Variants in PLEKHN1 observed in about 807,000 individuals in gnomAD.
PLEKHN1 encodes the protein pleckstrin homology domain containing N1.
A neutral mutation model predicts 72.8 loss-of-function variants in PLEKHN1; 68 were observed. The ratio of observed to expected loss-of-function variants is 0.93; its 90% CI spans 0.77 to 1.14. The LOEUF is 1.14. Ranked by LOEUF, PLEKHN1 falls within the 50% of genes most tolerant of loss-of-function variation. PLEKHN1 has a pLI of 0.00. For missense variants in PLEKHN1, 1,015 were observed against 840.5 expected, an observed-to-expected ratio of 1.21 and a Z score of -2.57; for synonymous variants, 454 against 371.6, an observed-to-expected ratio of 1.22 and a Z score of -2.55.
Position 974,335 on chromosome 1 carries a change from G to T in PLEKHN1, c.1673G>T (p.Gly558Val), listed in dbSNP as rs750700530. ...APQLVSSARE[G>V]SPEPWLPLTD... ...TTCCAGGTCTCCTCTGCCAGGGAAG[G>T]TTCGCCCGAACCCTGGCTGCCTCTG... The change falls in exon 15 of 16, where the codon GGT (glycine) becomes GTT (valine). Residue 558 changes from glycine (G) to valine (V), a missense_variant. Gly to Val is a moderately radical substitution (Grantham distance 109, BLOSUM62 -3). Transcript: ENST00000379410. 24 of 1,612,876 alleles carry T rather than the reference G, an allele frequency of 1.5e-5. No individual in the cohort carries two copies. In the African/African-American group the frequency reaches 2.3e-4, roughly 15 times the overall value.
rs143385575 is a variant in PLEKHN1, at chr1:969,378, T to TGC, written c.184-898_184-897insCG. On this transcript the variant is annotated intron_variant, in intron 2 of 15. Transcript: ENST00000379410. Reference sequence around the variant, plus strand: ...GTGTGCATGTGTTTGCACGTGTATATGTGTGCACACATCTGTGTGTATATG... The same window carrying TGC: ...GTGTGCATGTGTTTGCACGTGTATATGCGTGTGCACACATCTGTGTGTATATG... Among the ~76,000 whole-genome samples the TGC allele has an allele frequency of 9.6e-3, 32 of 3,340 alleles. No individual in the cohort carries two copies. In the African/African-American group the frequency reaches 0.11, roughly 11 times the overall value. 2.2% of individuals were successfully genotyped at this position (3,340 alleles called of 152,430 possible).
intron 2 of PLEKHN1, among the ~76,000 whole-genome samples, chr1:968,448 G>C (rs1643121043): frequency 6.6e-6 from 1 of 152,224 alleles, no homozygotes. Context: ...TGTGTGCCAG[G>C]ATTGACTACA....
In PLEKHN1 at chr1:972,397, T is replaced by G. The variant is rs1334275268; in HGVS notation, c.975T>G (p.Pro325=). 1 of 1,586,202 alleles carries G rather than the reference T, an allele frequency of 6.3e-7. No individual in the cohort carries two copies. Among genetic ancestry groups the G allele is most frequent in the East Asian group, 2.3e-5 (1 of 43,660 alleles). ...VTHREGAPPL[P]GAESFPGSQV... ...ACAGGGAGGGGGCCCCGCCGCTGCC[T>G]GGTGCCGAGAGCTTCCCAGGGTCGC... is the stretch of plus-strand genomic sequence containing the variant. Residue 325 remains proline, a synonymous_variant, in exon 10 of 16, where the codon CCT becomes CCG. Coordinates refer to ENST00000379410, the MANE Select transcript of PLEKHN1 (RefSeq NM_032129.3).
intron 8 of PLEKHN1, 93 bp downstream of exon 8, chr1:971,497 C>T (rs1643326329): frequency 8.2e-7 from 1 of 1,213,034 alleles, no homozygotes; most frequent in Non-Finnish European, 1.2e-6. Context: ...TATTTCGGGG[C>T]TTGTTGAGAC....
intron 12 of PLEKHN1, 26 bp downstream of exon 12, chr1:973,352 C>T (rs1357303237): frequency 6.4e-7 from 1 of 1,555,310 alleles, no homozygotes; most frequent in Non-Finnish European, 8.7e-7. Context: ...CCACACAGCC[C>T]CTGGCCTGGT....
chr1:973,882 T>A lies in PLEKHN1; in HGVS notation c.1484T>A (p.Leu495His). 1 of 1,610,954 alleles carries A rather than the reference T, an allele frequency of 6.2e-7. No individual in the cohort carries two copies. The highest frequency in any genetic ancestry group is 8.5e-7 in the Non-Finnish European group (1 of 1,179,880). ...CGTGGACCCACGCCCTCGAGCCCACTCCCCTCGGTGCCTGTGTCTGTGCCT... is the reference window on the plus strand; with the variant it reads ...CGTGGACCCACGCCCTCGAGCCCACACCCCTCGGTGCCTGTGTCTGTGCCT... ...SARGPTPSSP[L>H]PSVPVSVPAS... The change falls in exon 14 of 16, where the codon CTC becomes CAC. Residue 495 changes from leucine (L) to histidine (H), a missense_variant. By Grantham distance (99) the Leu-to-His change is moderately conservative. Coordinates refer to ENST00000379410, the MANE Select transcript of PLEKHN1 (RefSeq NM_032129.3).
chr1:966,662 C>T (rs368915947), intron 1 of PLEKHN1, 42 bp from the exon 2 acceptor site: 171 of 1,584,402 alleles, frequency 1.1e-4, no homozygotes, highest in Middle Eastern at 6.6e-4. Flanking sequence ...CTCCCCCACC[C>T]GCTCCGGGGC....
In PLEKHN1 at chr1:966,952, C is replaced by G. The variant is rs945301588; in HGVS notation, c.183+149C>G. 23 of 860,502 alleles carry G rather than the reference C, an allele frequency of 2.7e-5. No homozygotes were observed. The African/African-American group carries it at 3.1e-4, about 12-fold the overall frequency. The allele number at this position is 860,502 out of a possible 1,614,324, so 53.3% of individuals were successfully genotyped here. A position where few individuals can be genotyped will look rare whatever the true frequency, so the allele number is the denominator to read the frequency against. On this transcript the variant is annotated intron_variant, in intron 2 of 15. Coordinates refer to ENST00000379410, the MANE Select transcript of PLEKHN1 (RefSeq NM_032129.3). ...AGGAGCCGACGCTGACTGCCCCGCC[C>G]TGGGGAGCTCATCCGGCCGAAAGTC...
chr1:974,685 G>C lies in PLEKHN1; in HGVS notation c.*110G>C. The C allele has an allele frequency of 1.5e-6, 2 of 1,357,516 alleles. No homozygotes were observed. The highest frequency in any genetic ancestry group is 2.0e-6 in the Non-Finnish European group (2 of 1,016,454). The allele number at this position is 1,357,516 out of a possible 1,614,324, so 84.1% of individuals were successfully genotyped here. On this transcript the variant is annotated 3_prime_UTR_variant, in exon 16 of 16. Transcript: ENST00000379410. The stretch of plus-strand genomic sequence containing the variant: ...AGGGTCTGAACCCAGTGTGATGGGG[G>C]GAGTCTCTGGGGCCCTGAGTTCAGA...
At position 972,998 on chromosome 1, in the gene PLEKHN1, C is replaced by A; in HGVS notation, c.1140C>A (p.Ser380=). 6.3e-7 allele frequency: 1 copy of A among 1,598,350 alleles called. No homozygotes were observed. The highest frequency in any genetic ancestry group is 1.7e-5 in the Admixed American group (1 of 58,228). ...SSVPSTVGCS[S]QHTPDQANSD... is the part of the protein sequence containing the mutation. ...TGCCATCCACCGTGGGCTGCTCCTCCCAGCACACACCGGTGAGCGCTTACG... is the reference window on the plus strand; with the variant it reads ...TGCCATCCACCGTGGGCTGCTCCTCACAGCACACACCGGTGAGCGCTTACG... The change falls in exon 11 of 16, where the codon TCC becomes TCA. Residue 380 remains serine (S), a synonymous_variant. Coordinates refer to ENST00000379410, the MANE Select transcript of PLEKHN1 (RefSeq NM_032129.3).
rs1643515686 is a variant in PLEKHN1 at position 974,475 on chromosome 1, GCTACGACCACCTCTGGGACGAGA to G, written c.1739_1761del (p.Tyr580PhefsTer15). On this transcript the variant is annotated frameshift_variant, in exon 16 of 16. Transcript: ENST00000379410. LOFTEE classifies it low-confidence loss of function (END_TRUNC). ...TCCCCCAGGAGGAGCCGGGACCCCG[GCTACGACCACCTCTGGGACGAGA>G]CTTTGTCTTCCTCCCACCAGAAGTG... 1 of 1,612,676 alleles carries G rather than the reference GCTACGACCACCTCTGGGACGAGA, an allele frequency of 6.2e-7. No individual in the cohort carries two copies. Among genetic ancestry groups the G allele is most frequent in the South Asian group, 1.1e-5 (1 of 91,086 alleles).
chr1:972,170 T>C lies in PLEKHN1; in HGVS notation c.865+20T>C. The C allele has an allele frequency of 1.2e-6, 2 of 1,611,956 alleles. No individual in the cohort carries two copies. Among genetic ancestry groups the C allele is most frequent in the Non-Finnish European group, 8.5e-7 (1 of 1,179,308 alleles). On this transcript the variant is annotated intron_variant, in intron 9 of 15. Transcript: ENST00000379410. ...TTGAAGGTAGGGCCCTGACCCTGGT[T>C]CTGCCTCCCGCCTGGCCAGGCCATG...
In PLEKHN1 at chr1:969,367, G is replaced by C. The variant is rs547564411; in HGVS notation, c.184-910G>C. Among the ~76,000 whole-genome samples the C allele has an allele frequency of 7.4e-5, 5 of 67,118 alleles. No homozygotes were observed. In the Admixed American group the frequency reaches 9.4e-4, roughly 13 times the overall value. The allele number at this position is 67,118 out of a possible 152,430, so 44.0% of individuals were successfully genotyped here. On this transcript the variant is annotated intron_variant, in intron 2 of 15. Transcript: ENST00000379410. ...CAAGTGTGTATGTGTGCATGTGTTTGCACGTGTATATGTGTGCACACATCT... is the reference window on the plus strand; with the variant it reads ...CAAGTGTGTATGTGTGCATGTGTTTCCACGTGTATATGTGTGCACACATCT...
chr1:974,766 G>A lies in PLEKHN1; in HGVS notation c.*191G>A, dbSNP rs1302560429. ...CAGCAGCTGGGGCAGGGAAGGGTGG[G>A]AGGGGCCCCATCCAAAGGATGCCCT... is the stretch of plus-strand genomic sequence containing the variant. On this transcript the variant is annotated 3_prime_UTR_variant, in exon 16 of 16. Coordinates refer to ENST00000379410, the MANE Select transcript of PLEKHN1 (RefSeq NM_032129.3). 5 of 649,414 alleles carry A rather than the reference G, an allele frequency of 7.7e-6. No individual in the cohort carries two copies. In the East Asian group the frequency reaches 1.6e-4, roughly 21 times the overall value. The allele number at this position is 649,414 out of a possible 1,614,324, so 40.2% of individuals were successfully genotyped here. A position where few individuals can be genotyped will look rare whatever the true frequency, so the allele number is the denominator to read the frequency against.
Position 972,982 on chromosome 1 carries a change from C to A in PLEKHN1, c.1124C>A (p.Thr375Asn). 1 of 1,594,086 alleles carries A rather than the reference C, an allele frequency of 6.3e-7. No individual in the cohort carries two copies. Among genetic ancestry groups the A allele is most frequent in the Non-Finnish European group, 8.5e-7 (1 of 1,170,076 alleles). The change falls in exon 11 of 16, where the codon ACC (threonine) becomes AAC (asparagine). Residue 375 changes from threonine (T) to asparagine (N), a missense_variant. Thr to Asn is a moderately conservative substitution (Grantham distance 65). Transcript: ENST00000379410. ...CTGCCTGAGTCCTCAGTGCCATCCACCGTGGGCTGCTCCTCCCAGCACACA... is the reference window on the plus strand; with the variant it reads ...CTGCCTGAGTCCTCAGTGCCATCCAACGTGGGCTGCTCCTCCCAGCACACA... ...HSLPESSVPS[T>N]VGCSSQHTPD... is the part of the protein sequence containing the mutation.
At position 972,278 on chromosome 1, in the gene PLEKHN1, T is replaced by A; in HGVS notation, c.866-10T>A. 1 of 1,609,754 alleles carries A rather than the reference T, an allele frequency of 6.2e-7. No homozygotes were observed. The highest frequency in any genetic ancestry group is 8.5e-7 in the Non-Finnish European group (1 of 1,177,940). On this transcript the variant is annotated splice_polypyrimidine_tract_variant and intron_variant, in intron 9 of 15. Coordinates refer to ENST00000379410, the MANE Select transcript of PLEKHN1 (RefSeq NM_032129.3). ...CCCCCCGCCAGCCCCTCACAGCATC[T>A]GTATGCCAGGCCCCCTCATCAACAC...
rs761281863 is a variant in PLEKHN1 at position 966,718 on chromosome 1, G to C, written c.98G>C (p.Arg33Pro). ...SLKGNREDSA[R>P]MSAGLPGPEA... ...CTTGTCCCCAGAGAGGACAGCGCGC[G>C]GATGTCGGCCGGCCTGCCGGGCCCC... The change falls in exon 2 of 16, where the codon CGG becomes CCG. Residue 33 changes from arginine to proline, a missense_variant. Transcript: ENST00000379410. 7.0e-6 allele frequency: 11 copies of C among 1,574,432 alleles called. No homozygotes were observed. The highest frequency in any genetic ancestry group is 9.5e-6 in the Non-Finnish European group (11 of 1,160,312).
chr1:974,175 A>G (rs2340594), intron 14 of PLEKHN1, 124 bp downstream of exon 14: 1,423,975 of 1,479,908 alleles, frequency 0.96, 686,986 homozygotes, highest in Non-Finnish European at 0.98. Context: ...GATGGAGGCC[A>G]GGGGGGCCAG....
chr1:972,401 G>A lies in PLEKHN1; in HGVS notation c.979G>A (p.Ala327Thr). 3 of 1,584,764 alleles carry A rather than the reference G, an allele frequency of 1.9e-6. No individual in the cohort carries two copies. The highest frequency in any genetic ancestry group is 4.6e-5 in the East Asian group (2 of 43,622). Residue 327 changes from alanine to threonine, a missense_variant, in exon 10 of 16, where the codon GCC becomes ACC. Physicochemically the swap from Ala to Thr is moderately conservative, Grantham distance 58. Transcript: ENST00000379410. ...HREGAPPLPG[A>T]ESFPGSQVMG... The stretch of plus-strand genomic sequence containing the variant: ...GGAGGGGGCCCCGCCGCTGCCTGGT[G>A]CCGAGAGCTTCCCAGGGTCGCAGGT...
Sources: gnomAD v4.1 joint callset for allele counts (sites outside exome capture counted in the v4.1 genomes callset) on GRCh38, gnomAD v4.1.1 for gene constraint, MANE v1.5 for transcripts, NCBI Gene and HGNC (gene_info 2026-07-23, HGNC 2026-07-21) for gene names.